The following ACER2 variants were observed in gnomAD, a reference collection of about 807,000 sequenced individuals.
ACER2 encodes alkCDase 2.
ACER2 carries 26 observed loss-of-function variants against 34.7 expected under a neutral mutation model. The observed-to-expected ratio is 0.75, with a 90% CI of 0.55 to 1.04. The LOEUF (loss-of-function observed/expected upper bound fraction) is 1.04, where lower values mean the gene tolerates loss of function less well. Ranked by LOEUF, ACER2 falls within the 50% of genes least tolerant of loss-of-function variation. ACER2 has a pLI of 0.00. For missense variants in ACER2, 352 were observed against 340.8 expected (o/e 1.03, Z -0.26); for synonymous variants, 138 against 132.1 (o/e 1.04, Z -0.31).
intron 1 of ACER2, among the ~76,000 whole-genome samples, chr9:19,414,623 C>G (rs1442456671): frequency 6.6e-6 from 1 of 152,122 alleles, no homozygotes; most frequent in Non-Finnish European, 1.5e-5. Flanking sequence ...CATGGCAAAA[C>G]CCTACCCTGT....
intron 2 of ACER2, chr9:19,424,329 T>C: frequency 1.0e-6 from 1 of 970,176 alleles, no homozygotes; most frequent in Non-Finnish European, 1.2e-6. Flanking sequence ...TCCCTCATTG[T>C]TTTGTGAAAT....
intron 1 of ACER2, among the ~76,000 whole-genome samples, chr9:19,414,798 A>G (rs1830192476): frequency 6.6e-6 from 1 of 151,240 alleles, no homozygotes; most frequent in African/African-American, 2.4e-5. Context: ...GTGAGCCAAG[A>G]TCGCGCCACT....
intron 4 of ACER2, among the ~76,000 whole-genome samples, chr9:19,437,727 A>G (rs969162581): frequency 4.6e-5 from 7 of 151,758 alleles, no homozygotes; most frequent in African/African-American, 1.2e-4. Flanking sequence ...GCCCTTTCCT[A>G]CTACTACTTT....
chr9:19,414,796 A>G (rs1200588301), intron 1 of ACER2, among the ~76,000 whole-genome samples: 1 of 151,852 alleles, frequency 6.6e-6, no homozygotes, highest in Non-Finnish European at 1.5e-5. Flanking sequence ...CAGTGAGCCA[A>G]GATCGCGCCA....
chr9:19,442,551 C>G (rs892008402), intron 4 of ACER2, among the ~76,000 whole-genome samples: 1 of 152,210 alleles, frequency 6.6e-6, no homozygotes, highest in Non-Finnish European at 1.5e-5. Flanking sequence ...CGGCCCTGTC[C>G]TGGCACTTAC....
rs1476284881 is a variant in ACER2, at chr9:19,424,080, C to T, written c.223+104C>T. The T allele has an allele frequency of 3.7e-6, 4 of 1,089,872 alleles. No homozygotes were observed. In the Admixed American group the frequency reaches 7.5e-5, roughly 21 times the overall value. 67.5% of individuals were successfully genotyped at this position (1,089,872 alleles called of 1,614,324 possible). A position where few individuals can be genotyped will look rare whatever the true frequency, so the allele number is the denominator to read the frequency against. ...CCCTTTGAACATAATGTTTTGTAAA[C>T]TGAAGTCACTCTGAGGTCTTAGCAA... On this transcript the variant is annotated intron_variant, in intron 2 of 5. Coordinates refer to ENST00000340967, the MANE Select transcript of ACER2 (RefSeq NM_001010887.3).
intron 1 of ACER2, among the ~76,000 whole-genome samples, chr9:19,413,316 T>C (rs1342083187): frequency 2.0e-5 from 3 of 152,176 alleles, no homozygotes; most frequent in Non-Finnish European, 2.9e-5. Context: ...TAAGACCCCC[T>C]GGCTGGGCGC....
rs565587391 is a variant in ACER2, at chr9:19,446,455, G to T, written c.641+37G>T. 1.9e-6 allele frequency: 3 copies of T among 1,613,396 alleles called. No individual in the cohort carries two copies. In the Admixed American group the frequency reaches 5.0e-5, roughly 27 times the overall value. On this transcript the variant is annotated intron_variant, in intron 5 of 5. Transcript: ENST00000340967. ...CTAATGGGGAGGTGGCCGGGGACAG[G>T]TGTGTTTGCACTTGCTGTTGGGCTC... is the stretch of plus-strand genomic sequence containing the variant.
chr9:19,413,351 C>T (rs1830146063), intron 1 of ACER2, among the ~76,000 whole-genome samples: 1 of 152,216 alleles, frequency 6.6e-6, no homozygotes, highest in African/African-American at 2.4e-5. Flanking sequence ...GTAATCCCAG[C>T]ACTTTGGGAG....
chr9:19,428,015 TTCC>T (rs748234237), intron 3 of ACER2, among the ~76,000 whole-genome samples: 1 of 68,034 alleles, frequency 1.5e-5, no homozygotes, highest in Non-Finnish European at 3.0e-5. Context: ...CCTTTTTCCT[TTCC>T]TTTCCTTTCC....
intron 1 of ACER2, among the ~76,000 whole-genome samples, chr9:19,410,770 T>G (rs1201569859): frequency 6.6e-6 from 1 of 152,190 alleles, no homozygotes; most frequent in African/African-American, 2.4e-5. Flanking sequence ...ACTTATGTAT[T>G]GCATAACCTC....
intron 5 of ACER2, among the ~76,000 whole-genome samples, chr9:19,450,002 A>C (rs2132539457): frequency 6.6e-6 from 1 of 152,324 alleles, no homozygotes; most frequent in East Asian, 1.9e-4. Context: ...AATTTTTTAA[A>C]ATTTCCACTA....
chr9:19,437,979 T>C (rs1326371547), intron 4 of ACER2, among the ~76,000 whole-genome samples: 3 of 152,230 alleles, frequency 2.0e-5, no homozygotes, highest in Non-Finnish European at 2.9e-5. Flanking sequence ...ACTCTGAATT[T>C]TCCATGGTGC....
At chr9:19,433,003 A>G (rs941967376) in intron 3 of ACER2, among the ~76,000 whole-genome samples, 21 of 152,150 alleles carry the variant, frequency 1.4e-4, no homozygotes, top group African/African-American at 5.1e-4. Flanking sequence ...TCGCACGAAG[A>G]AAACAGCTAT....
chr9:19,439,004 G>A (rs1831058829), intron 4 of ACER2, among the ~76,000 whole-genome samples: 1 of 152,210 alleles, frequency 6.6e-6, no homozygotes, highest in African/African-American at 2.4e-5. Flanking sequence ...GAGGACACAA[G>A]TGGTTAGGGC....
chr9:19,450,671 C>T lies in ACER2; in HGVS notation c.*35C>T, dbSNP rs766630650. On this transcript the variant is annotated 3_prime_UTR_variant, in exon 6 of 6. Coordinates refer to ENST00000340967, the MANE Select transcript of ACER2 (RefSeq NM_001010887.3). ...GGTGGCTGGCTTCTCTGCTTATCGCCCCTCATGCAGTGGGCTTCCTTTGCT... is the reference window on the plus strand; with the variant it reads ...GGTGGCTGGCTTCTCTGCTTATCGCTCCTCATGCAGTGGGCTTCCTTTGCT... 4.6e-6 allele frequency: 7 copies of T among 1,510,248 alleles called. No individual in the cohort carries two copies. Among genetic ancestry groups the T allele is most frequent in the Non-Finnish European group, 6.3e-6 (7 of 1,110,548 alleles). 93.6% of individuals were successfully genotyped at this position (1,510,248 alleles called of 1,614,324 possible).
chr9:19,433,856 G>A (rs541716294), intron 3 of ACER2, among the ~76,000 whole-genome samples: 5,324 of 151,724 alleles, frequency 0.035, 280 homozygotes, highest in African/African-American at 0.12. Context: ...CAGTAGGGGC[G>A]GTCGGGCAGA....
chr9:19,409,719 T>G, intron 1 of ACER2: 1 of 982,886 alleles, frequency 1.0e-6, no homozygotes, highest in Non-Finnish European at 1.2e-6. Context: ...AATGGTCGAG[T>G]TATTTTTGGT....
chr9:19,444,577 T>C (rs2132528258), intron 4 of ACER2, among the ~76,000 whole-genome samples: 1 of 152,278 alleles, frequency 6.6e-6, no homozygotes, highest in South Asian at 2.1e-4. Flanking sequence ...ACCATCCTGG[T>C]CGGCATGCAG....
Sources: allele counts gnomAD v4.1 joint callset (sites outside exome capture counted in the v4.1 genomes callset), GRCh38; gene constraint gnomAD v4.1.1; transcripts MANE v1.5; gene names NCBI Gene and HGNC (gene_info 2026-07-23, HGNC 2026-07-21).